The following PPM1H variants were observed in gnomAD, a reference collection of about 807,000 sequenced individuals.
PPM1H encodes the protein protein phosphatase 1H.
In PPM1H, 27 loss-of-function variants were observed where a neutral mutation model predicts 54.9. The ratio of observed to expected loss-of-function variants is 0.49; its 90% confidence interval spans 0.36 to 0.68. The LOEUF (loss-of-function observed/expected upper bound fraction) is 0.68. Ranked by LOEUF, PPM1H falls within the 30% of genes least tolerant of loss-of-function variation. PPM1H has a pLI of 0.00. For missense variants in PPM1H, 596 were observed against 667.8 expected (o/e 0.89, Z 1.19); for synonymous variants, 305 against 270.8 (o/e 1.13, Z -1.24).
chr12:62,858,649 A>G (rs1037806806), intron 1 of PPM1H, among the ~76,000 whole-genome samples: 14 of 152,194 alleles, frequency 9.2e-5, no homozygotes, highest in African/African-American at 3.4e-4. Context: ...AAACTTTTTT[A>G]GTCAAATTTT....
In PPM1H at chr12:62,737,657, G is replaced by T. The variant is rs1463660729; in HGVS notation, c.870-71C>A. The stretch of plus-strand genomic sequence containing the variant: ...TCTGATTCTGTTACAACCATTGCTT[G>T]GTTCAGGTCACACATGAAATGCCAA... On this transcript the variant is annotated intron_variant, in intron 4 of 9. Transcript: ENST00000228705. The T allele has an allele frequency of 1.2e-5, 13 of 1,102,198 alleles. No individual in the cohort carries two copies. In the East Asian group the frequency reaches 1.4e-4, roughly 12 times the overall value. 68.3% of individuals were successfully genotyped at this position (1,102,198 alleles called of 1,614,324 possible).
At chr12:62,672,654 T>C (rs1010109790) in intron 8 of PPM1H, among the ~76,000 whole-genome samples, 11 of 152,214 alleles carry the variant, frequency 7.2e-5, no homozygotes, top group Admixed American at 6.5e-4. Flanking sequence ...ATAAGGTCCA[T>C]CTTATCCTAT....
chr12:62,684,404 C>T (rs981134756), intron 8 of PPM1H, among the ~76,000 whole-genome samples: 4 of 152,242 alleles, frequency 2.6e-5, no homozygotes, highest in Admixed American at 6.5e-5. Context: ...TTGTGTTCAG[C>T]GAAACTGAAA....
chr12:62,838,825 G>A (rs1398897344), intron 1 of PPM1H, among the ~76,000 whole-genome samples: 1 of 127,570 alleles, frequency 7.8e-6, no homozygotes, highest in Non-Finnish European at 1.6e-5. Context: ...GGAGGCTGAG[G>A]CAGGAGAATG....
chr12:62,715,662 A>G (rs2076230791), intron 6 of PPM1H, among the ~76,000 whole-genome samples: 1 of 152,106 alleles, frequency 6.6e-6, no homozygotes, highest in Non-Finnish European at 1.5e-5. Flanking sequence ...ATCCTCTCCC[A>G]CACTTCCTCC....
chr12:62,677,720 C>T (rs981281144), intron 8 of PPM1H, among the ~76,000 whole-genome samples: 1 of 152,196 alleles, frequency 6.6e-6, no homozygotes, highest in Admixed American at 6.5e-5. Context: ...GTGGGCAGAA[C>T]AGGCCCAGCG....
intron 1 of PPM1H, among the ~76,000 whole-genome samples, chr12:62,838,753 C>T (rs1397198457): frequency 1.5e-5 from 2 of 129,190 alleles, no homozygotes; most frequent in African/African-American, 6.6e-5. Context: ...AACCCCGTCT[C>T]TACTAAAAAT....
chr12:62,898,532 CA>C (rs1320151935), intron 1 of PPM1H, among the ~76,000 whole-genome samples: 1 of 152,178 alleles, frequency 6.6e-6, no homozygotes, highest in Non-Finnish European at 1.5e-5. Context: ...GTTTTCAAAA[CA>C]GTGCAAACAT....
chr12:62,897,900 GA>G (rs1427582965), intron 1 of PPM1H, among the ~76,000 whole-genome samples: 1 of 152,124 alleles, frequency 6.6e-6, no homozygotes, highest in Non-Finnish European at 1.5e-5. Context: ...ATGGAGTGGG[GA>G]AAAGCCAGTC....
chr12:62,888,555 T>A (rs1870672331), intron 1 of PPM1H, among the ~76,000 whole-genome samples: 1 of 152,112 alleles, frequency 6.6e-6, no homozygotes. Flanking sequence ...TCGTCAGAGA[T>A]GCCAACATAA....
At chr12:62,760,684 A>G (rs1400624577) in intron 4 of PPM1H, among the ~76,000 whole-genome samples, 1 of 152,190 alleles carries the variant, frequency 6.6e-6, no homozygotes, top group African/African-American at 2.4e-5. Flanking sequence ...ATCAGACCCC[A>G]CTAAATATAT....
chr12:62,765,296 G>A (rs762486676), intron 4 of PPM1H, among the ~76,000 whole-genome samples: 2 of 152,200 alleles, frequency 1.3e-5, no homozygotes, highest in Non-Finnish European at 2.9e-5. Context: ...CAGTGGGGTG[G>A]AGGCCATGTT....
chr12:62,683,032 A>ATTTTTT lies in PPM1H; in HGVS notation c.1245+6666_1245+6667insAAAAAA, dbSNP rs201636860. Among the ~76,000 whole-genome samples the ATTTTTT allele has an allele frequency of 9.3e-3, 1,179 of 126,342 alleles. 11 individuals carry two copies. Among genetic ancestry groups the ATTTTTT allele is most frequent in the Non-Finnish European group, 0.014 (861 of 60,166 alleles). 82.9% of individuals were successfully genotyped at this position (126,342 alleles called of 152,430 possible). A position where few individuals can be genotyped will look rare whatever the true frequency, so the allele number is the denominator to read the frequency against. On this transcript the variant is annotated intron_variant, in intron 8 of 9. Coordinates refer to ENST00000228705, the MANE Select transcript of PPM1H (RefSeq NM_020700.2). ...GATACTACATTTGGGAGAGTTTATTATTTATTATTATTATTATTATTATTA... is the reference window on the plus strand; with the variant it reads ...GATACTACATTTGGGAGAGTTTATTATTTTTTTTTATTATTATTATTATTATTATTA...
chr12:62,810,245 C>A (rs376287906), intron 2 of PPM1H, among the ~76,000 whole-genome samples: 2 of 152,204 alleles, frequency 1.3e-5, no homozygotes, highest in South Asian at 2.1e-4. Flanking sequence ...ATAACCCTAC[C>A]CTACTCCAGG....
At chr12:62,840,655 T>C (rs1318112869) in intron 1 of PPM1H, among the ~76,000 whole-genome samples, 5 of 152,188 alleles carry the variant, frequency 3.3e-5, no homozygotes, top group African/African-American at 1.2e-4. Flanking sequence ...GAACAGCCTG[T>C]GAAAACTGAA....
At chr12:62,651,467 G>A (rs549862430) in intron 9 of PPM1H, among the ~76,000 whole-genome samples, 4 of 152,294 alleles carry the variant, frequency 2.6e-5, no homozygotes, top group Non-Finnish European at 5.9e-5. Context: ...TATTACTAGT[G>A]ACTTTGCATA....
chr12:62,652,896 AT>A (rs2075823739), intron 9 of PPM1H, among the ~76,000 whole-genome samples: 1 of 151,188 alleles, frequency 6.6e-6, no homozygotes, highest in African/African-American at 2.5e-5. Context: ...ATTGAATTAC[AT>A]TTTTAGTAAT....
intron 1 of PPM1H, among the ~76,000 whole-genome samples, chr12:62,838,150 T>C (rs1159942279): frequency 6.6e-6 from 1 of 152,224 alleles, no homozygotes; most frequent in Admixed American, 6.5e-5. Flanking sequence ...TATTGTTGTC[T>C]TGCTTTGTTT....
intron 6 of PPM1H, among the ~76,000 whole-genome samples, chr12:62,696,826 G>C (rs899114240): frequency 6.6e-6 from 1 of 152,152 alleles, no homozygotes; most frequent in Admixed American, 6.5e-5. Context: ...AAAAGGTGGA[G>C]TGGCCTTAAA....
Sources: allele counts gnomAD v4.1 joint callset (sites outside exome capture counted in the v4.1 genomes callset), GRCh38; gene constraint gnomAD v4.1.1; transcripts MANE v1.5; gene names NCBI Gene and HGNC (gene_info 2026-07-23, HGNC 2026-07-21).